Variants in NOCT observed in about 807,000 individuals in gnomAD.
NOCT encodes the protein CCR4 carbon catabolite repression 4-like.
In NOCT, 18 loss-of-function variants were observed where a neutral mutation model predicts 35.0. That is an observed-to-expected ratio of 0.51 (90% CI 0.36 to 0.76). The LOEUF is 0.76. Among genes scored for constraint, NOCT ranks in the 30% least tolerant of loss-of-function variants. The pLI, the probability that NOCT is intolerant of heterozygous loss-of-function variation, is 0.01. For missense variants in NOCT, 479 were observed against 541.0 expected, an observed-to-expected ratio of 0.89 and a Z score of 1.14; for synonymous variants, 235 against 226.3, an observed-to-expected ratio of 1.04 and a Z score of -0.34.
At chr4:139,029,589 C>T (rs534074933) in intron 1 of NOCT, among the ~76,000 whole-genome samples, 76 of 152,332 alleles carry the variant, frequency 5.0e-4, no homozygotes, top group South Asian at 1.0e-3. Flanking sequence ...GTAATACCTT[C>T]TTAACTTGGC....
At chr4:139,024,440 C>T (rs1002543777) in intron 1 of NOCT, among the ~76,000 whole-genome samples, 5 of 152,138 alleles carry the variant, frequency 3.3e-5, no homozygotes, top group Admixed American at 2.0e-4. Context: ...AATTCCTAGA[C>T]ATTTCTAGTT....
In NOCT at chr4:139,015,986, T is replaced by G; in HGVS notation, c.5T>G (p.Phe2Cys). Residue 2 changes from phenylalanine to cysteine, a missense_variant, in exon 1 of 3, where the codon TTT (phenylalanine) becomes TGT (cysteine). Physicochemically the swap from Phe to Cys is radical, Grantham distance 205. This residue lies in a region of NOCT where 265 missense variants were observed against 257.0 expected (regional missense o/e 1.03). Transcript: ENST00000280614. ...GTGGTGGCGGCGGCGCCCGGCATGT[T>G]TCATAGTCCGCGGCGGCTCTGCTCG... Reference protein sequence around the residue: MFHSPRRLCSAL... With the variant: MCHSPRRLCSAL... The G allele has an allele frequency of 7.3e-7, 1 of 1,372,202 alleles. No homozygotes were observed. 85.0% of individuals were successfully genotyped at this position (1,372,202 alleles called of 1,614,324 possible).
At chr4:139,030,968 T>A (rs887514302) in intron 1 of NOCT, among the ~76,000 whole-genome samples, 1 of 152,130 alleles carries the variant, frequency 6.6e-6, no homozygotes, top group Non-Finnish European at 1.5e-5. Context: ...TAATCCTGGC[T>A]TTTGCTTGGT....
chr4:139,039,358 G>A (rs533139121), intron 1 of NOCT, among the ~76,000 whole-genome samples: 1 of 52,418 alleles, frequency 1.9e-5, no homozygotes, highest in Non-Finnish European at 3.9e-5. Flanking sequence ...GTTGAAGTCT[G>A]ATGACAATCT....
In NOCT at chr4:139,016,128, G is replaced by A; in HGVS notation, c.147G>A (p.Ala49=). The part of the protein sequence containing the change: ...PRPASPRLLA[A]ASAASGAARS... The stretch of plus-strand genomic sequence containing the variant: ...CCGCATCCCCCCGGCTGCTGGCGGC[G>A]GCCTCGGCGGCCTCGGGCGCCGCGA... The change falls in exon 1 of 3, where the codon GCG becomes GCA. Residue 49 remains alanine (A), a synonymous_variant. Coordinates refer to ENST00000280614, the MANE Select transcript of NOCT (RefSeq NM_012118.4). 13 of 1,285,932 alleles carry A rather than the reference G, an allele frequency of 1.0e-5. No homozygotes were observed. Among genetic ancestry groups the A allele is most frequent in the Non-Finnish European group, 1.3e-5 (13 of 1,019,410 alleles). The allele number at this position is 1,285,932 out of a possible 1,614,324, so 79.7% of individuals were successfully genotyped here.
chr4:139,018,648 C>A (rs1355545476), intron 1 of NOCT, among the ~76,000 whole-genome samples: 2 of 152,230 alleles, frequency 1.3e-5, no homozygotes, highest in Non-Finnish European at 2.9e-5. Context: ...CAGAATGTCT[C>A]ACACAATGTA....
At chr4:139,025,889 C>A (rs1254895455) in intron 1 of NOCT, among the ~76,000 whole-genome samples, 1 of 151,986 alleles carries the variant, frequency 6.6e-6, no homozygotes, top group East Asian at 1.9e-4. Flanking sequence ...TTCTACTTTG[C>A]TGTCTTGGCC....
Position 139,044,877 on chromosome 4 carries a change from A to G in NOCT, c.699A>G (p.Pro233=). Residue 233 remains proline (P), a synonymous_variant, in exon 3 of 3, where the codon CCA becomes CCG. Transcript: ENST00000280614. ...PCLDVEHNNG[P]DGCALFFLQN... is the part of the protein sequence containing the mutation. ...TAGATGTAGAACACAACAATGGACC[A>G]GATGGTTGTGCCTTATTTTTTCTTC... The G allele has an allele frequency of 6.2e-7, 1 of 1,614,148 alleles. No homozygotes were observed. Among genetic ancestry groups the G allele is most frequent in the South Asian group, 1.1e-5 (1 of 91,090 alleles).
At chr4:139,036,049 C>T (rs77339254) in intron 1 of NOCT, among the ~76,000 whole-genome samples, 1,700 of 152,122 alleles carry the variant, frequency 0.011, 27 homozygotes, top group African/African-American at 0.037. Context: ...CTACCTTTTC[C>T]GTTTATTTTT....
intron 1 of NOCT, among the ~76,000 whole-genome samples, chr4:139,030,187 C>T (rs187510030): frequency 6.6e-5 from 10 of 152,248 alleles, no homozygotes; most frequent in African/African-American, 9.6e-5. Context: ...CCTAGAGTTA[C>T]GTTTAATGGT....
intron 1 of NOCT, among the ~76,000 whole-genome samples, chr4:139,032,380 A>G (rs1176154038): frequency 6.6e-6 from 1 of 152,170 alleles, no homozygotes; most frequent in African/African-American, 2.4e-5. Context: ...TGGCTGGCCC[A>G]TTGCCGTGAC....
intron 1 of NOCT, among the ~76,000 whole-genome samples, chr4:139,016,969 G>GTTTTT (rs1726322868): frequency 8.8e-5 from 1 of 11,392 alleles, no homozygotes. Context: ...CGTTTCTTTG[G>GTTTTT]ATTTTTTTTT....
chr4:139,016,065 G>T lies in NOCT; in HGVS notation c.84G>T (p.Leu28=), dbSNP rs1726290724. 7 of 1,390,840 alleles carry T rather than the reference G, an allele frequency of 5.0e-6. No individual in the cohort carries two copies. Among genetic ancestry groups the T allele is most frequent in the Middle Eastern group, 2.6e-4 (1 of 3,836 alleles). 86.2% of individuals were successfully genotyped at this position (1,390,840 alleles called of 1,614,324 possible). The part of the protein sequence containing the change: ...PGLRRLPAPG[L]RRPLSPPAAV... ...TGCGCCGCCTGCCCGCCCCAGGGCT[G>T]CGCCGCCCGTTGTCCCCGCCGGCTG... Residue 28 remains leucine (L), a synonymous_variant, in exon 1 of 3, where the codon CTG becomes CTT. Coordinates refer to ENST00000280614, the MANE Select transcript of NOCT (RefSeq NM_012118.4).
At chr4:139,041,153 T>C (rs1468853892) in intron 1 of NOCT, among the ~76,000 whole-genome samples, 1 of 152,160 alleles carries the variant, frequency 6.6e-6, no homozygotes, top group African/African-American at 2.4e-5. Flanking sequence ...GCTTTCTTAC[T>C]GGAGGGAAAA....
chr4:139,016,271 G>A, intron 1 of NOCT, 100 bp downstream of exon 1: 1 of 754,022 alleles, frequency 1.3e-6, no homozygotes, highest in Non-Finnish European at 1.8e-6. Context: ...GGGGCTGCCG[G>A]TCGTGGAGTC....
At chr4:139,024,535 C>G (rs573179116) in intron 1 of NOCT, among the ~76,000 whole-genome samples, 24 of 152,186 alleles carry the variant, frequency 1.6e-4, no homozygotes, top group African/African-American at 5.3e-4. Context: ...GTGTGTGTGC[C>G]TGTTTCTCCT....
At chr4:139,029,703 C>T (rs1383795106) in intron 1 of NOCT, among the ~76,000 whole-genome samples, 1 of 152,124 alleles carries the variant, frequency 6.6e-6, no homozygotes, top group Non-Finnish European at 1.5e-5. Flanking sequence ...GATCCTTCTG[C>T]CTAAATTGGC....
rs1726923070 is a variant in NOCT at position 139,045,539 on chromosome 4, CAG to C, written c.*68_*69del. 9 of 492,638 alleles carry C rather than the reference CAG, an allele frequency of 1.8e-5. No individual in the cohort carries two copies. Among genetic ancestry groups the C allele is most frequent in the African/African-American group, 6.8e-5 (2 of 29,622 alleles). 30.5% of individuals were successfully genotyped at this position (492,638 alleles called of 1,614,324 possible). Reference sequence around the variant, plus strand: ...TTTTTTTTTTTTTTTTTTTTTGAGACAGAGTCTCGCTCTGTTGCCTAGGCTGG... The same window carrying C: ...TTTTTTTTTTTTTTTTTTTTTGAGACAGTCTCGCTCTGTTGCCTAGGCTGG... On this transcript the variant is annotated 3_prime_UTR_variant, in exon 3 of 3. Transcript: ENST00000280614.
Position 139,033,499 on chromosome 4 carries a change from T to C in NOCT, c.191-9575T>C, listed in dbSNP as rs144799344. On this transcript the variant is annotated intron_variant, in intron 1 of 2. Transcript: ENST00000280614. ...TAGCCTGGAAACAAAGTGAGACCCCTGTCTCTACAAAAAAAAAATTCTTTT... is the reference window on the plus strand; with the variant it reads ...TAGCCTGGAAACAAAGTGAGACCCCCGTCTCTACAAAAAAAAAATTCTTTT... Among the ~76,000 whole-genome samples, 88 of 152,070 alleles carry C rather than the reference T, an allele frequency of 5.8e-4. 1 individual carries two copies. The East Asian group carries it at 0.015, about 26-fold the overall frequency.
Sources: allele counts gnomAD v4.1 joint callset (sites outside exome capture counted in the v4.1 genomes callset), GRCh38; gene constraint gnomAD v4.1.1; regional missense constraint gnomAD v4.1.1; transcripts MANE v1.5; gene names NCBI Gene and HGNC (gene_info 2026-07-23, HGNC 2026-07-21).